Variants in COL28A1 observed in about 807,000 individuals in gnomAD.
COL28A1 encodes the protein collagen type XXVIII alpha 1 chain.
COL28A1 carries 161 observed loss-of-function variants against 150.2 expected under a neutral mutation model. The ratio of observed to expected loss-of-function variants is 1.07; its 90% CI spans 0.94 to 1.22. The LOEUF is 1.22. Ranked by LOEUF, COL28A1 falls within the 50% of genes most tolerant of loss-of-function variation. The pLI is 0.00. For missense variants in COL28A1, 1,617 were observed against 1,388.3 expected, an observed-to-expected ratio of 1.16 and a Z score of -2.62; for synonymous variants, 552 against 469.7, an observed-to-expected ratio of 1.18 and a Z score of -2.26.
chr7:7,459,803 T>C (rs1490971253), intron 15 of COL28A1, among the ~76,000 whole-genome samples: 3 of 152,180 alleles, frequency 2.0e-5, no homozygotes, highest in Admixed American at 6.5e-5. Context: ...CATGAACAAT[T>C]TGACAAATCA....
chr7:7,447,716 A>G (rs1311714506), intron 18 of COL28A1, among the ~76,000 whole-genome samples: 4 of 152,228 alleles, frequency 2.6e-5, no homozygotes, highest in Non-Finnish European at 5.9e-5. Context: ...AACACTGGAC[A>G]GAATTAAAAG....
At chr7:7,536,899 C>T (rs1782662563), upstream of COL28A1, among the ~76,000 whole-genome samples, 1 of 152,152 alleles carries the variant, frequency 6.6e-6, no homozygotes, top group Non-Finnish European at 1.5e-5. Context: ...TAAGTCCTCA[C>T]TTAATGTCCT....
chr7:7,346,320 T>C, the COL28A1 span, among the ~76,000 whole-genome samples: 128 of 152,182 alleles, frequency 8.4e-4, no homozygotes, highest in Non-Finnish European at 1.5e-3. Context: ...CCAAATAAAG[T>C]AGTCCTGCAT....
chr7:7,471,335 T>C (rs1562758868), intron 15 of COL28A1, among the ~76,000 whole-genome samples: 3 of 151,880 alleles, frequency 2.0e-5, no homozygotes, highest in South Asian at 4.2e-4. Context: ...TTCCACAAGA[T>C]AGAGAAAAAG....
At chr7:7,528,031 AGATT>A (rs1782126926) in intron 3 of COL28A1, among the ~76,000 whole-genome samples, 2 of 152,232 alleles carry the variant, frequency 1.3e-5, no homozygotes, top group South Asian at 4.1e-4. Context: ...CATAATTAAT[AGATT>A]AAGAAAGCAT....
intron 13 of COL28A1, among the ~76,000 whole-genome samples, chr7:7,477,602 G>T (rs1269016218): frequency 6.6e-6 from 1 of 152,196 alleles, no homozygotes. Context: ...ATGTTCAGTT[G>T]TGTTCCCAGT....
chr7:7,478,005 T>C (rs558571276), intron 13 of COL28A1, among the ~76,000 whole-genome samples: 22 of 152,294 alleles, frequency 1.4e-4, no homozygotes, highest in African/African-American at 4.6e-4. Flanking sequence ...AGAGTGTCGA[T>C]TGGTATATTT....
intron 27 of COL28A1, among the ~76,000 whole-genome samples, chr7:7,383,219 C>T (rs1381421050): frequency 3.3e-5 from 5 of 150,844 alleles, no homozygotes; most frequent in Non-Finnish European, 4.4e-5. Flanking sequence ...TATGCTTTAA[C>T]TACATTTCAA....
chr7:7,376,693 A>G (rs1311005135), intron 30 of COL28A1, among the ~76,000 whole-genome samples: 2 of 146,180 alleles, frequency 1.4e-5, no homozygotes, highest in Non-Finnish European at 3.0e-5. Flanking sequence ...ATATGTATTT[A>G]TATATTTATG....
chr7:7,470,599 T>C (rs1788325071), intron 15 of COL28A1, among the ~76,000 whole-genome samples: 1 of 8,602 alleles, frequency 1.2e-4, no homozygotes, highest in Non-Finnish European at 1.7e-4. Flanking sequence ...GACCCAGCCA[T>C]CCCATTACTG....
downstream of COL28A1, among the ~76,000 whole-genome samples, chr7:7,353,819 T>C (rs1780283924): frequency 6.6e-6 from 1 of 152,066 alleles, no homozygotes; most frequent in Non-Finnish European, 1.5e-5. Flanking sequence ...CCCGTCAAAA[T>C]AGCAGCCTAG....
rs1012365233 is a variant in COL28A1, at chr7:7,440,726, A to G, written c.1722+64T>C. 7 of 661,262 alleles carry G rather than the reference A, an allele frequency of 1.1e-5. No individual in the cohort carries two copies. In the African/African-American group the frequency reaches 1.1e-4, roughly 11 times the overall value. 41.0% of individuals were successfully genotyped at this position (661,262 alleles called of 1,614,324 possible). A position where few individuals can be genotyped will look rare whatever the true frequency, so the allele number is the denominator to read the frequency against. On this transcript the variant is annotated intron_variant, in intron 21 of 34. Transcript: ENST00000399429. ...ATCCAATTTTCAGTGGAAATTTAAT[A>G]CTATATTAAAACCAGACACAATACA...
downstream of COL28A1, among the ~76,000 whole-genome samples, chr7:7,351,225 G>A (rs985843522): frequency 2.0e-5 from 3 of 152,142 alleles, no homozygotes; most frequent in South Asian, 6.2e-4. Flanking sequence ...AGAATTAGAG[G>A]ATAGGATGGT....
At chr7:7,375,973 C>T (rs1781519278) in intron 30 of COL28A1, among the ~76,000 whole-genome samples, 1 of 152,174 alleles carries the variant, frequency 6.6e-6, no homozygotes, top group African/African-American at 2.4e-5. Context: ...ATTTTCTCTT[C>T]TTTTTCTGTA....
chr7:7,474,715 A>G (rs757181550), intron 14 of COL28A1, 46 bp from the exon 15 acceptor site: 1 of 869,490 alleles, frequency 1.2e-6, no homozygotes. Context: ...CAAAATCTGA[A>G]TTTTAAAAGA....
Position 7,382,587 on chromosome 7 carries a change from T to C in COL28A1, c.2137-975A>G, listed in dbSNP as rs573355512. 2.0e-5 allele frequency among the ~76,000 whole-genome samples: 3 copies of C among 152,122 alleles called. 1 individual carries two copies. Among genetic ancestry groups the C allele is most frequent in the African/African-American group, 7.2e-5 (3 of 41,434 alleles). On this transcript the variant is annotated intron_variant, in intron 27 of 34. Coordinates refer to ENST00000399429, the MANE Select transcript of COL28A1 (RefSeq NM_001037763.3). ...AATCACTAGCAAGTATACAAAGTCA[T>C]AGTTCTAATGCTCCTTGGATCTTAT...
chr7:7,511,134 C>A lies in COL28A1; in HGVS notation c.884G>T (p.Gly295Val), dbSNP rs1449394893. The A allele has an allele frequency of 1.9e-6, 3 of 1,610,912 alleles. No homozygotes were observed. The highest frequency in any genetic ancestry group is 1.7e-6 in the Non-Finnish European group (2 of 1,177,350). Residue 295 changes from glycine to valine, a missense_variant and splice_region_variant, in exon 9 of 35, where the codon GGT (glycine) becomes GTT (valine). By Grantham distance (109) the Gly-to-Val change is moderately radical (BLOSUM62 -3). Coordinates refer to ENST00000399429, the MANE Select transcript of COL28A1 (RefSeq NM_001037763.3). ...TGGTTTACCACATTCCCCACGTTCA[C>A]CCTAAAAAATAAATAAGTGAAATAA... Reference protein sequence around the residue: ...GGIPGYKGDKGERGECGKPGI... With the variant: ...GGIPGYKGDKVERGECGKPGI...
intron 25 of COL28A1, chr7:7,431,501 A>T (rs1193638484): frequency 8.5e-6 from 4 of 470,804 alleles, no homozygotes; most frequent in Non-Finnish European, 1.8e-5. Context: ...AGCTTTTAAT[A>T]ATCAGCCATC....
intron 27 of COL28A1, among the ~76,000 whole-genome samples, chr7:7,399,279 A>G (rs1255974749): frequency 1.3e-5 from 2 of 152,076 alleles, no homozygotes; most frequent in African/African-American, 2.4e-5. Flanking sequence ...AACACATCCA[A>G]GAAGTCTTCC....
Sources: allele counts gnomAD v4.1 joint callset (sites outside exome capture counted in the v4.1 genomes callset), GRCh38; gene constraint gnomAD v4.1.1; transcripts MANE v1.5; gene names NCBI Gene and HGNC (gene_info 2026-07-23, HGNC 2026-07-21).